The following OOSP3 variants were observed in gnomAD, a reference collection of about 807,000 sequenced individuals.
OOSP3 encodes the protein oocyte secreted protein family member 3.
chr11:59,878,851 A>C, exon 1 of OOSP3: 1 of 398,478 alleles, frequency 2.5e-6, no homozygotes, highest in Non-Finnish European at 4.4e-6. Flanking sequence ...CCTTTTGTGC[A>C]CGATTTTGAC....
intron 2 of OOSP3, among the ~76,000 whole-genome samples, chr11:59,890,616 T>C (rs1159876860): frequency 6.6e-6 from 1 of 152,210 alleles, no homozygotes; most frequent in Non-Finnish European, 1.5e-5. Context: ...CCAATCTCTT[T>C]TGGCTTATAG....
chr11:59,896,336 T>C (rs1344568741), exon 5 of OOSP3: 1 of 394,680 alleles, frequency 2.5e-6, no homozygotes, highest in East Asian at 3.6e-5. Flanking sequence ...TGGGTTGGGA[T>C]AGAGCCCAGT....
At chr11:59,882,433 A>G (rs1291211393) in intron 2 of OOSP3, among the ~76,000 whole-genome samples, 1 of 152,284 alleles carries the variant, frequency 6.6e-6, no homozygotes, top group African/African-American at 2.4e-5. Context: ...TAATATTCAC[A>G]TATTCACATG....
At chr11:59,885,569 T>C (rs1252781688) in intron 2 of OOSP3, among the ~76,000 whole-genome samples, 1 of 152,164 alleles carries the variant, frequency 6.6e-6, no homozygotes, top group Admixed American at 6.5e-5. Flanking sequence ...AAACATGCAG[T>C]ATTTGATTTT....
rs1590875763 is a variant in OOSP3, at chr11:59,894,198, G to T, written c.350+22G>T. 6.8e-5 allele frequency: 27 copies of T among 398,346 alleles called. No individual in the cohort carries two copies. The East Asian group carries it at 9.6e-4, about 14-fold the overall frequency. The allele number at this position is 398,346 out of a possible 1,614,324, so 24.7% of individuals were successfully genotyped here. ...ATGGGTGAGTATAATGAACCAGATG[G>T]TTCACAGTTTACCCTCTAAGAACTA... On this transcript the variant is annotated intron_variant, in intron 3 of 4. Coordinates refer to ENST00000646438, the Ensembl canonical transcript of OOSP3.
intron 2 of OOSP3, among the ~76,000 whole-genome samples, chr11:59,886,059 G>A (rs1853254271): frequency 6.6e-6 from 1 of 151,608 alleles, no homozygotes; most frequent in Non-Finnish European, 1.5e-5. Flanking sequence ...ACCCTCCCCT[G>A]ACAAGCCCCT....
intron 2 of OOSP3, among the ~76,000 whole-genome samples, chr11:59,890,139 C>T (rs555334231): frequency 2.6e-5 from 4 of 152,170 alleles, no homozygotes; most frequent in South Asian, 2.1e-4. Context: ...GTAAATTTTC[C>T]TCCATCCCTT....
intron 2 of OOSP3, among the ~76,000 whole-genome samples, chr11:59,890,916 A>C (rs1853305986): frequency 6.6e-6 from 1 of 152,030 alleles, no homozygotes; most frequent in Non-Finnish European, 1.5e-5. Flanking sequence ...TACTCCAATC[A>C]CTCATAGGTT....
intron 2 of OOSP3, among the ~76,000 whole-genome samples, chr11:59,892,492 T>A (rs182974009): frequency 6.6e-6 from 1 of 152,286 alleles, no homozygotes; most frequent in East Asian, 1.9e-4. Context: ...TCTGCTCCAC[T>A]TCTATTTGTT....
At chr11:59,883,804 G>T (rs1262343085) in intron 2 of OOSP3, among the ~76,000 whole-genome samples, 7 of 152,288 alleles carry the variant, frequency 4.6e-5, no homozygotes, top group African/African-American at 1.7e-4. Flanking sequence ...GGATAATGAA[G>T]TTCAAAAAGA....
intron 2 of OOSP3, among the ~76,000 whole-genome samples, chr11:59,893,104 T>C (rs575792805): frequency 1.1e-3 from 170 of 152,340 alleles, no homozygotes; most frequent in African/African-American, 4.0e-3. Flanking sequence ...TTACATACAA[T>C]TTATATACTC....
chr11:59,882,092 G>A (rs923242599), intron 2 of OOSP3, among the ~76,000 whole-genome samples: 61 of 152,094 alleles, frequency 4.0e-4, no homozygotes, highest in African/African-American at 1.4e-3. Flanking sequence ...GACTTATTAT[G>A]GATATAGGGA....
intron 2 of OOSP3, among the ~76,000 whole-genome samples, chr11:59,887,881 T>G (rs1466326952): frequency 6.6e-6 from 1 of 152,232 alleles, no homozygotes; most frequent in African/African-American, 2.4e-5. Context: ...ATCTAGAAAT[T>G]GCTTTGGGCA....
At chr11:59,888,276 T>C (rs1369334317) in intron 2 of OOSP3, among the ~76,000 whole-genome samples, 1 of 152,204 alleles carries the variant, frequency 6.6e-6, no homozygotes, top group African/African-American at 2.4e-5. Context: ...TCTCTTCTTA[T>C]ATGAATACCA....
intron 2 of OOSP3, among the ~76,000 whole-genome samples, chr11:59,891,955 G>A (rs1383815781): frequency 6.6e-6 from 1 of 152,208 alleles, no homozygotes; most frequent in African/African-American, 2.4e-5. Flanking sequence ...CCGTGGGAGT[G>A]TGATCCGCTG....
chr11:59,893,749 C>T (rs532478619), intron 2 of OOSP3, among the ~76,000 whole-genome samples: 1 of 152,204 alleles, frequency 6.6e-6, no homozygotes, highest in East Asian at 1.9e-4. Context: ...TGGGATACAG[C>T]ACTGTGATAA....
intron 2 of OOSP3, among the ~76,000 whole-genome samples, chr11:59,883,014 G>T (rs1853218348): frequency 6.6e-6 from 1 of 152,014 alleles, no homozygotes; most frequent in Non-Finnish European, 1.5e-5. Context: ...CTGTACCTTT[G>T]TGTACATGTT....
At chr11:59,881,232 A>T (rs1207903470) in intron 2 of OOSP3, among the ~76,000 whole-genome samples, 2 of 151,890 alleles carry the variant, frequency 1.3e-5, no homozygotes, top group African/African-American at 2.4e-5. Context: ...GCATGGTGGC[A>T]TGTGCCTGTC....
intron 1 of OOSP3, 85 bp downstream of exon 1, chr11:59,878,966 A>C: frequency 2.5e-6 from 1 of 397,696 alleles, no homozygotes; most frequent in East Asian, 3.6e-5. Context: ...TTTTGAGTGG[A>C]AGTGACTTTC....
Sources: allele counts gnomAD v4.1 joint callset (sites outside exome capture counted in the v4.1 genomes callset), GRCh38; gene constraint gnomAD v4.1.1; transcripts MANE v1.5; gene names NCBI Gene and HGNC (gene_info 2026-07-23, HGNC 2026-07-21).